UBQLN1: variants seen among roughly 807,000 people sequenced by gnomAD.
UBQLN1 encodes the protein ubiquilin-1.
UBQLN1 carries 13 observed loss-of-function variants against 65.4 expected under a neutral mutation model. The observed-to-expected ratio is 0.20, with a 90% CI of 0.13 to 0.32. The LOEUF (loss-of-function observed/expected upper bound fraction) is 0.32. Ranked by LOEUF, UBQLN1 falls within the 10% of genes least tolerant of loss-of-function variation. UBQLN1 has a pLI of 1.00. For missense variants in UBQLN1, 561 were observed against 724.0 expected (o/e 0.77, Z 2.58); for synonymous variants, 267 against 247.8 (o/e 1.08, Z -0.73).
intron 1 of UBQLN1, among the ~76,000 whole-genome samples, chr9:83,705,246 C>CTTTTTTTTTTTTTTTTTTTTTT (rs57550660): frequency 7.7e-6 from 1 of 129,454 alleles, no homozygotes; most frequent in Non-Finnish European, 1.6e-5. Flanking sequence ...GCCAGCACTC[C>CTTTTTTTTTTTTTTTTTTTTTT]TTTTTTTTTT....
chr9:83,703,768 A>T (rs926623276), intron 1 of UBQLN1, among the ~76,000 whole-genome samples: 3 of 152,216 alleles, frequency 2.0e-5, no homozygotes, highest in African/African-American at 7.2e-5. Context: ...CTTAAGCTTT[A>T]TTAGTAACCT....
intron 10 of UBQLN1, among the ~76,000 whole-genome samples, chr9:83,663,070 GAAAA>G (rs568998289): frequency 9.4e-6 from 1 of 106,406 alleles, no homozygotes; most frequent in Admixed American, 9.1e-5. Flanking sequence ...GAAAGGGAAA[GAAAA>G]AAAAAAAAGG....
chr9:83,706,860 C>A (rs540596661), intron 1 of UBQLN1, among the ~76,000 whole-genome samples: 1 of 152,254 alleles, frequency 6.6e-6, no homozygotes, highest in African/African-American at 2.4e-5. Context: ...AGCAAGTCAT[C>A]AGTGAAAGAA....
chr9:83,690,863 C>G (rs1207590403), intron 1 of UBQLN1, among the ~76,000 whole-genome samples: 1 of 152,122 alleles, frequency 6.6e-6, no homozygotes, highest in African/African-American at 2.4e-5. Context: ...TGGGAGCGGG[C>G]GCAGTGGCTC....
chr9:83,690,172 T>C (rs1832103072), intron 1 of UBQLN1, among the ~76,000 whole-genome samples: 1 of 152,212 alleles, frequency 6.6e-6, no homozygotes, highest in Non-Finnish European at 1.5e-5. Flanking sequence ...ATATTACTTG[T>C]ATTGGCCAAA....
rs1394133267 is a variant in UBQLN1, at chr9:83,663,757, TTAATC to T, written c.1617+113_1617+117del. On this transcript the variant is annotated intron_variant, in intron 10 of 10. Coordinates refer to ENST00000376395, the MANE Select transcript of UBQLN1 (RefSeq NM_013438.5). ...AATATCCTTAAGACTGTATTTTTCA[TTAATC>T]TAAACACCTAAGAACTACTGCTTTC... The T allele has an allele frequency of 5.3e-6, 6 of 1,135,998 alleles. No individual in the cohort carries two copies. In the African/African-American group the frequency reaches 9.4e-5, roughly 18 times the overall value. The allele number at this position is 1,135,998 out of a possible 1,614,324, so 70.4% of individuals were successfully genotyped here. A position where few individuals can be genotyped will look rare whatever the true frequency, so the allele number is the denominator to read the frequency against.
chr9:83,693,491 GTTC>G (rs1832161561), intron 1 of UBQLN1, among the ~76,000 whole-genome samples: 1 of 151,620 alleles, frequency 6.6e-6, no homozygotes, highest in African/African-American at 2.4e-5. Flanking sequence ...AGACTGTCAA[GTTC>G]TTGTCTTGAA....
In UBQLN1 at chr9:83,690,967, G is replaced by A. The variant is rs757086156; in HGVS notation, c.181-4812C>T. Among the ~76,000 whole-genome samples the A allele has an allele frequency of 9.4e-4, 142 of 151,844 alleles. 2 individuals carry two copies. Among genetic ancestry groups the A allele is most frequent in the Admixed American group, 6.6e-4 (10 of 15,234 alleles). ...AGCCTAGCCAACATGGCAAAACCCC[G>A]TCTCTGCTAAAAATACAAAAATTAG... is the stretch of plus-strand genomic sequence containing the variant. On this transcript the variant is annotated intron_variant, in intron 1 of 10. Transcript: ENST00000376395.
intron 6 of UBQLN1, among the ~76,000 whole-genome samples, chr9:83,674,893 G>A (rs1391223317): frequency 6.6e-6 from 1 of 152,152 alleles, no homozygotes; most frequent in Non-Finnish European, 1.5e-5. Context: ...AGTAGAATCT[G>A]CTAAGATGTG....
chr9:83,684,621 G>A (rs1351302387), intron 2 of UBQLN1, among the ~76,000 whole-genome samples: 2 of 152,074 alleles, frequency 1.3e-5, no homozygotes, highest in African/African-American at 4.8e-5. Context: ...TGACCAGCCT[G>A]GCCAACATGA....
At chr9:83,665,564 G>C (rs1831631327) in intron 8 of UBQLN1, among the ~76,000 whole-genome samples, 1 of 152,110 alleles carries the variant, frequency 6.6e-6, no homozygotes, top group East Asian at 1.9e-4. Flanking sequence ...TACCAGTAAG[G>C]TACACTCTAA....
rs1171242540 is a variant in UBQLN1 at position 83,697,483 on chromosome 9, C to T, written c.180+10017G>A. 4.9e-5 allele frequency among the ~76,000 whole-genome samples: 6 copies of T among 122,438 alleles called. No individual in the cohort carries two copies. The East Asian group carries it at 1.1e-3, about 22-fold the overall frequency. 80.3% of individuals were successfully genotyped at this position (122,438 alleles called of 152,430 possible). ...AAGAGAATTGTGTGAACCCAGGGGG[C>T]GGAGGTTGCAGTGAGCTGAGATTGC... On this transcript the variant is annotated intron_variant, in intron 1 of 10. Transcript: ENST00000376395.
rs111323270 is a variant in UBQLN1, at chr9:83,680,400, A to G, written c.449-363T>C. On this transcript the variant is annotated intron_variant, in intron 3 of 10. Coordinates refer to ENST00000376395, the MANE Select transcript of UBQLN1 (RefSeq NM_013438.5). ...AGCCCTTTTGATCATTATGCTAATG[A>G]AGTGACTTAGGCCCCTGGAAAGCCT... Among the ~76,000 whole-genome samples the G allele has an allele frequency of 4.7e-3, 709 of 152,244 alleles. 6 individuals are homozygous for G. The highest frequency in any genetic ancestry group is 0.014 in the African/African-American group (592 of 41,536).
chr9:83,675,850 T>C (rs1831823146), intron 6 of UBQLN1, among the ~76,000 whole-genome samples: 2 of 152,226 alleles, frequency 1.3e-5, no homozygotes, highest in East Asian at 1.9e-4. Flanking sequence ...ACCCCAATTA[T>C]GCAAAATGTT....
chr9:83,703,783 C>A (rs1469567898), intron 1 of UBQLN1, among the ~76,000 whole-genome samples: 4 of 152,152 alleles, frequency 2.6e-5, no homozygotes, highest in African/African-American at 9.7e-5. Flanking sequence ...TAACCTTGAA[C>A]AAGTAACATT....
At chr9:83,671,658 C>T (rs1831733579) in intron 6 of UBQLN1, among the ~76,000 whole-genome samples, 1 of 152,142 alleles carries the variant, frequency 6.6e-6, no homozygotes, top group African/African-American at 2.4e-5. Flanking sequence ...TGCTGTCATC[C>T]AGGCTTTTTT....
chr9:83,682,260 G>C (rs1831953462), intron 3 of UBQLN1, among the ~76,000 whole-genome samples: 1 of 151,756 alleles, frequency 6.6e-6, no homozygotes, highest in South Asian at 2.1e-4. Flanking sequence ...ACTCCAGCCT[G>C]GGCGACAGAG....
intron 1 of UBQLN1, among the ~76,000 whole-genome samples, chr9:83,697,446 G>C (rs777561089): frequency 5.7e-4 from 85 of 149,644 alleles, no homozygotes; most frequent in Non-Finnish European, 9.9e-4. Context: ...CAGCTACTCA[G>C]GAGGCTGAGG....
Position 83,669,282 on chromosome 9 carries a change from A to G in UBQLN1, c.1151T>C (p.Ile384Thr). 6.2e-7 allele frequency: 1 copy of G among 1,612,222 alleles called. No homozygotes were observed. Among genetic ancestry groups the G allele is most frequent in the Non-Finnish European group, 8.5e-7 (1 of 1,179,670 alleles). The change falls in exon 7 of 11, where the codon ATA (isoleucine) becomes ACA (threonine). Residue 384 changes from isoleucine to threonine, a missense_variant. By Grantham distance (89) the Ile-to-Thr change is moderately conservative. Transcript: ENST00000376395. ...TTGCATCAGTTGTGGGTTTTCAGTT[A>G]TTTGTTGCAACAAGCTCTGCATTCC... ...TPGMQSLLQQ[I>T]TENPQLMQNM... is the part of the protein sequence containing the mutation.
Sources: gnomAD v4.1 joint callset for allele counts (sites outside exome capture counted in the v4.1 genomes callset) on GRCh38, gnomAD v4.1.1 for gene constraint, MANE v1.5 for transcripts, NCBI Gene and HGNC (gene_info 2026-07-23, HGNC 2026-07-21) for gene names.